CCDC178: variants seen among roughly 807,000 people sequenced by gnomAD.
CCDC178 encodes the protein coiled-coil domain-containing protein 178.
CCDC178 carries 126 observed loss-of-function variants against 117.4 expected under a neutral mutation model. That is an observed-to-expected ratio of 1.07 (90% CI 0.93 to 1.24). CCDC178 has a LOEUF of 1.24. CCDC178 is among the 50% of genes most tolerant of loss of function. The pLI is 0.00. For synonymous variants in CCDC178, 283 were observed against 313.4 expected (o/e 0.90, Z 1.02); for missense variants, 1,030 against 986.9 (o/e 1.04, Z -0.59).
At chr18:33,420,791 TA>T (rs1326144317) in intron 2 of CCDC178, among the ~76,000 whole-genome samples, 4 of 151,500 alleles carry the variant, frequency 2.6e-5, no homozygotes, top group Non-Finnish European at 4.4e-5. Flanking sequence ...AAATAACAGT[TA>T]AAAAAAGTAA....
chr18:33,147,954 G>A (rs933102885), intron 20 of CCDC178, among the ~76,000 whole-genome samples: 2 of 151,890 alleles, frequency 1.3e-5, no homozygotes, highest in South Asian at 4.2e-4. Flanking sequence ...AGGCAGAGGC[G>A]CCCCCACCTC....
At chr18:33,352,690 T>C (rs2062993502) in intron 7 of CCDC178, among the ~76,000 whole-genome samples, 1 of 152,172 alleles carries the variant, frequency 6.6e-6, no homozygotes, top group Non-Finnish European at 1.5e-5. Context: ...TAAAACATGA[T>C]TTGTTTAATT....
intron 22 of CCDC178, among the ~76,000 whole-genome samples, chr18:32,948,057 T>C (rs11662235): frequency 0.084 from 12,809 of 152,196 alleles, 703 homozygotes; most frequent in Non-Finnish European, 0.12. Flanking sequence ...TATTCATCTA[T>C]TGATATATTT....
At chr18:33,053,327 A>G (rs72941601) in intron 21 of CCDC178, among the ~76,000 whole-genome samples, 3,017 of 152,316 alleles carry the variant, frequency 0.02, 40 homozygotes, top group Non-Finnish European at 0.032. Flanking sequence ...AGATAATAAT[A>G]AAGAAGAACT....
intron 12 of CCDC178, 117 bp downstream of exon 12, chr18:33,293,042 A>G (rs1355220016): frequency 3.1e-6 from 2 of 636,812 alleles, no homozygotes; most frequent in Admixed American, 6.6e-5. Flanking sequence ...TAATACAGGC[A>G]AATTGGCTAA....
At chr18:33,366,858 G>T (rs925710158) in intron 6 of CCDC178, among the ~76,000 whole-genome samples, 1 of 151,980 alleles carries the variant, frequency 6.6e-6, no homozygotes, top group Non-Finnish European at 1.5e-5. Flanking sequence ...GGTGATGAAT[G>T]AATATATATT....
intron 12 of CCDC178, among the ~76,000 whole-genome samples, chr18:33,271,598 A>C (rs2059890970): frequency 1.3e-5 from 2 of 151,514 alleles, no homozygotes. Context: ...AATCCACCCA[A>C]CAACAAAGCT....
chr18:33,173,849 C>G (rs1457644567), intron 20 of CCDC178, among the ~76,000 whole-genome samples: 1 of 152,112 alleles, frequency 6.6e-6, no homozygotes. Context: ...TCGAGTTTTA[C>G]AGTCAAATCA....
chr18:33,115,349 C>G (rs2057841225), intron 20 of CCDC178, among the ~76,000 whole-genome samples: 1 of 151,868 alleles, frequency 6.6e-6, no homozygotes, highest in Non-Finnish European at 1.5e-5. Context: ...TGTACTATAT[C>G]CAGAAATTGT....
intron 20 of CCDC178, among the ~76,000 whole-genome samples, chr18:33,188,544 A>G (rs765609708): frequency 6.8e-6 from 1 of 148,050 alleles, no homozygotes; most frequent in Non-Finnish European, 1.5e-5. Context: ...GAGAAGAATT[A>G]GATCCACCTG....
intron 11 of CCDC178, among the ~76,000 whole-genome samples, chr18:33,309,812 G>A (rs1394015712): frequency 2.6e-5 from 4 of 151,774 alleles, no homozygotes; most frequent in African/African-American, 7.3e-5. Context: ...ACGTAAAAGT[G>A]TTATAGACAT....
At chr18:33,020,659 A>G (rs559546227) in intron 21 of CCDC178, among the ~76,000 whole-genome samples, 1 of 152,294 alleles carries the variant, frequency 6.6e-6, no homozygotes, top group African/African-American at 2.4e-5. Context: ...GGGAGTGTTT[A>G]ATCTAAAATT....
intron 10 of CCDC178, 77 bp from the exon 11 acceptor site, chr18:33,323,710 T>C: frequency 1.2e-6 from 1 of 864,196 alleles, no homozygotes; most frequent in Non-Finnish European, 1.6e-6. Flanking sequence ...TAGTGTAGTA[T>C]TGATTTAGAT....
chr18:32,944,480 G>A (rs1007425660), intron 22 of CCDC178, among the ~76,000 whole-genome samples: 9 of 152,164 alleles, frequency 5.9e-5, no homozygotes, highest in Admixed American at 5.2e-4. Context: ...CACCATGTCT[G>A]TAGTACATAT....
chr18:33,094,632 A>G lies in CCDC178; in HGVS notation c.2239-1722T>C, dbSNP rs1358441779. 2.0e-5 allele frequency among the ~76,000 whole-genome samples: 3 copies of G among 151,880 alleles called. No individual in the cohort carries two copies. The East Asian group carries it at 5.8e-4, about 29-fold the overall frequency. On this transcript the variant is annotated intron_variant, in intron 20 of 22. Transcript: ENST00000383096. ...CCGGGATTTGCATTTTACCAATTTA[A>G]TGGAACTTAATTGGGGAAATATTTT... is the stretch of plus-strand genomic sequence containing the variant.
chr18:33,077,998 G>A (rs2057237528), intron 21 of CCDC178, among the ~76,000 whole-genome samples: 1 of 152,042 alleles, frequency 6.6e-6, no homozygotes, highest in Admixed American at 6.6e-5. Context: ...AAACTTCAGG[G>A]CAATAGTATT....
chr18:33,222,232 C>G (rs2059243899), intron 18 of CCDC178, among the ~76,000 whole-genome samples: 1 of 149,766 alleles, frequency 6.7e-6, no homozygotes, highest in African/African-American at 2.5e-5. Flanking sequence ...CCCTTCCTTT[C>G]TTCCTTCCTT....
At chr18:33,105,021 C>T (rs555311019) in intron 20 of CCDC178, among the ~76,000 whole-genome samples, 2 of 151,456 alleles carry the variant, frequency 1.3e-5, no homozygotes, top group African/African-American at 2.4e-5. Flanking sequence ...TTGACAGATA[C>T]GAAGAGAAGT....
chr18:33,356,530 G>A (rs545089575), intron 6 of CCDC178, among the ~76,000 whole-genome samples, 184 bp from the exon 7 acceptor site: 2 of 151,584 alleles, frequency 1.3e-5, no homozygotes, highest in South Asian at 4.2e-4. Flanking sequence ...TGACTGAGTA[G>A]GTCCCCCCAA....
Sources: gnomAD v4.1 joint callset for allele counts (sites outside exome capture counted in the v4.1 genomes callset) on GRCh38, gnomAD v4.1.1 for gene constraint, MANE v1.5 for transcripts, NCBI Gene and HGNC (gene_info 2026-07-23, HGNC 2026-07-21) for gene names.